STK35: variants seen among roughly 807,000 people sequenced by gnomAD.
The protein encoded by STK35 is serine/threonine-protein kinase 35.
A neutral mutation model predicts 37.3 loss-of-function variants in STK35; 17 were observed. The observed-to-expected ratio is 0.46, with a 90% CI of 0.31 to 0.68. The LOEUF is 0.68. Ranked by LOEUF, STK35 falls within the 30% of genes least tolerant of loss-of-function variation. STK35 has a pLI of 0.05. For missense variants in STK35, 595 were observed against 746.7 expected (o/e 0.80, Z 2.37); for synonymous variants, 385 against 319.1 (o/e 1.21, Z -2.20).
intron 2 of STK35, among the ~76,000 whole-genome samples, chr20:2,114,849 T>A (rs1985686567): frequency 6.6e-6 from 1 of 152,236 alleles, no homozygotes; most frequent in South Asian, 2.1e-4. Context: ...TTTTCTGATG[T>A]GGCCTTTGCA....
intron 3 of STK35, among the ~76,000 whole-genome samples, chr20:2,139,917 A>G (rs775731271): frequency 5.3e-5 from 8 of 152,188 alleles, no homozygotes; most frequent in African/African-American, 1.9e-4. Context: ...TCCACCCCCA[A>G]GGTCATCTCA....
intron 3 of STK35, among the ~76,000 whole-genome samples, chr20:2,123,317 C>T (rs926043252): frequency 6.6e-6 from 1 of 152,148 alleles, no homozygotes; most frequent in African/African-American, 2.4e-5. Flanking sequence ...AAATCAGGCC[C>T]AATTTCTGTT....
chr20:2,104,206 CACA>C (rs1242672402), intron 2 of STK35, among the ~76,000 whole-genome samples: 2 of 152,116 alleles, frequency 1.3e-5, no homozygotes, highest in Admixed American at 6.6e-5. Context: ...ACTCAGTACT[CACA>C]AGCCTTTTTC....
chr20:2,133,388 G>A (rs1359793287), intron 3 of STK35, among the ~76,000 whole-genome samples: 2 of 152,192 alleles, frequency 1.3e-5, no homozygotes, highest in Non-Finnish European at 2.9e-5. Flanking sequence ...GCAGTTGGCA[G>A]CTTTTATTTT....
At chr20:2,135,810 G>A (rs1368947147) in intron 3 of STK35, among the ~76,000 whole-genome samples, 1 of 152,176 alleles carries the variant, frequency 6.6e-6, no homozygotes, top group Non-Finnish European at 1.5e-5. Context: ...AGATTGCACT[G>A]CTGCGCTCCA....
intron 2 of STK35, among the ~76,000 whole-genome samples, chr20:2,115,016 A>G (rs1328803217): frequency 6.6e-6 from 1 of 152,236 alleles, no homozygotes; most frequent in Non-Finnish European, 1.5e-5. Context: ...GCCTCTGCCC[A>G]TGACCTAGAT....
In STK35 at chr20:2,102,186, C is replaced by G; in HGVS notation, c.294+11C>G. The G allele has an allele frequency of 7.3e-7, 1 of 1,371,764 alleles. No homozygotes were observed. The highest frequency in any genetic ancestry group is 9.4e-7 in the Non-Finnish European group (1 of 1,063,642). 85.0% of individuals were successfully genotyped at this position (1,371,764 alleles called of 1,614,324 possible). On this transcript the variant is annotated intron_variant, in intron 1 of 3. Coordinates refer to ENST00000381482, the MANE Select transcript of STK35 (RefSeq NM_080836.4). ...AGGTGCGCGGGCCAGGTAAGGGCGC[C>G]GTTGGAGGACTGAAGGCCAGCGCCG...
chr20:2,132,875 G>T (rs966641933), intron 3 of STK35, among the ~76,000 whole-genome samples: 2 of 152,204 alleles, frequency 1.3e-5, no homozygotes, highest in African/African-American at 2.4e-5. Flanking sequence ...TCCTTGTCTG[G>T]TCAGTGCAGT....
chr20:2,122,058 G>A (rs555049616), intron 3 of STK35, among the ~76,000 whole-genome samples: 6 of 152,326 alleles, frequency 3.9e-5, no homozygotes, highest in East Asian at 1.9e-4. Flanking sequence ...TAGGCTGGGC[G>A]TGGTAGCTCA....
rs906013896 is a variant in STK35 at position 2,102,892 on chromosome 20, G to C, written c.419G>C (p.Gly140Ala). The C allele has an allele frequency of 3.2e-6, 5 of 1,566,212 alleles. No individual in the cohort carries two copies. Among genetic ancestry groups the C allele is most frequent in the Non-Finnish European group, 4.3e-6 (5 of 1,164,412 alleles). The change falls in exon 2 of 4, where the codon GGC becomes GCC. Residue 140 changes from glycine to alanine, a missense_variant. Gly to Ala is a moderately conservative substitution (Grantham distance 60). Transcript: ENST00000381482. ...PPAAMETGKDGARRGTQSPER... is the reference protein window; with the variant it reads ...PPAAMETGKDAARRGTQSPER... Reference sequence around the variant, plus strand: ...GCAGCCATGGAAACGGGGAAGGACGGCGCCCGCAGAGGTACACAAAGCCCG... The same window carrying C: ...GCAGCCATGGAAACGGGGAAGGACGCCGCCCGCAGAGGTACACAAAGCCCG...
At position 2,101,895 on chromosome 20, in the gene STK35, A is replaced by C. The variant is rs979461940; in HGVS notation, c.14A>C (p.Glu5Ala). Reference protein sequence around the residue: MGHQESPLARAPAGG... With the variant: MGHQASPLARAPAGG... ...GCGTCCCGGGGGATGGGCCACCAGG[A>C]GTCTCCGCTGGCCCGGGCGCCGGCG... Residue 5 changes from glutamate (E) to alanine (A), a missense_variant, in exon 1 of 4, where the codon GAG (glutamate) becomes GCG (alanine). Physicochemically the swap from Glu to Ala is moderately radical, Grantham distance 107. Coordinates refer to ENST00000381482, the MANE Select transcript of STK35 (RefSeq NM_080836.4). 1.1e-5 allele frequency: 16 copies of C among 1,445,118 alleles called. No individual in the cohort carries two copies. In the African/African-American group the frequency reaches 2.3e-4, roughly 21 times the overall value. 89.5% of individuals were successfully genotyped at this position (1,445,118 alleles called of 1,614,324 possible).
At chr20:2,119,364 A>G (rs942665537) in intron 3 of STK35, among the ~76,000 whole-genome samples, 2 of 152,208 alleles carry the variant, frequency 1.3e-5, no homozygotes, top group African/African-American at 4.8e-5. Context: ...GACTAGACCA[A>G]TTTGGGTTAA....
In STK35 at chr20:2,146,490, G is replaced by A. The variant is rs1159373069; in HGVS notation, c.*2744G>A. ...GCTCTGTGGCAAGGATAGCCCTTTG[G>A]AGGGGGACTCTTGACCTCGGCTGTT... On this transcript the variant is annotated 3_prime_UTR_variant, in exon 4 of 4. Coordinates refer to ENST00000381482, the MANE Select transcript of STK35 (RefSeq NM_080836.4). 6.5e-6 allele frequency: 1 copy of A among 152,810 alleles called. No individual in the cohort carries two copies. Among genetic ancestry groups the A allele is most frequent in the African/African-American group, 2.4e-5 (1 of 41,454 alleles). The allele number at this position is 152,810 out of a possible 1,614,324, so 9.5% of individuals were successfully genotyped here.
intron 3 of STK35, among the ~76,000 whole-genome samples, chr20:2,124,268 G>A (rs949811494): frequency 5.3e-5 from 8 of 152,172 alleles, no homozygotes; most frequent in Non-Finnish European, 1.0e-4. Context: ...ACTCTGCAAA[G>A]GTCCAGAATA....
At chr20:2,139,668 A>G (rs1316421693) in intron 3 of STK35, among the ~76,000 whole-genome samples, 1 of 152,176 alleles carries the variant, frequency 6.6e-6, no homozygotes, top group East Asian at 1.9e-4. Flanking sequence ...CTGGGGTGAA[A>G]TGAGGCAATG....
Position 2,102,929 on chromosome 20 carries a change from G to T in STK35, c.456G>T (p.Arg152Ser). 1 of 1,538,964 alleles carries T rather than the reference G, an allele frequency of 6.5e-7. No individual in the cohort carries two copies. Among genetic ancestry groups the T allele is most frequent in the South Asian group, 1.2e-5 (1 of 84,506 alleles). ...RRGTQSPERK[R>S]RSPVPRAPST... is the part of the protein sequence containing the mutation. ...GTACACAAAGCCCGGAGCGGAAAAG[G>T]CGAAGCCCAGTGCCGCGGGCGCCCA... The change falls in exon 2 of 4, where the codon AGG (arginine) becomes AGT (serine). Residue 152 changes from arginine (R) to serine (S), a missense_variant. Physicochemically the swap from Arg to Ser is moderately radical, Grantham distance 110. Coordinates refer to ENST00000381482, the MANE Select transcript of STK35 (RefSeq NM_080836.4).
At position 2,117,494 on chromosome 20, in the gene STK35, G is replaced by C. The variant is rs998101647; in HGVS notation, c.*37+79G>C. ...TCTGTTGGTCAGGCTGGGGTGCAGC[G>C]GGTGCAGTGGCAGGATCTCAGCTCA... is the stretch of plus-strand genomic sequence containing the variant. On this transcript the variant is annotated intron_variant, in intron 3 of 3. Coordinates refer to ENST00000381482, the MANE Select transcript of STK35 (RefSeq NM_080836.4). The surrounding 1 kb of genome is among the most constrained non-coding windows in gnomAD (Gnocchi z 4.4). 3 of 771,770 alleles carry C rather than the reference G, an allele frequency of 3.9e-6. No homozygotes were observed. Among genetic ancestry groups the C allele is most frequent in the Non-Finnish European group, 6.0e-6 (3 of 496,778 alleles). 47.8% of individuals were successfully genotyped at this position (771,770 alleles called of 1,614,324 possible).
intron 3 of STK35, among the ~76,000 whole-genome samples, chr20:2,125,034 G>A (rs1307092994): frequency 1.3e-5 from 2 of 152,178 alleles, no homozygotes; most frequent in African/African-American, 4.8e-5. Context: ...ATCCATGAGG[G>A]GACAGGCCTG....
intron 3 of STK35, among the ~76,000 whole-genome samples, chr20:2,138,632 G>A (rs1439470012): frequency 6.6e-6 from 1 of 152,162 alleles, no homozygotes; most frequent in Non-Finnish European, 1.5e-5. Context: ...TTCCTAAGAT[G>A]GTGCAATTTT....
Sources: allele counts gnomAD v4.1 joint callset (sites outside exome capture counted in the v4.1 genomes callset), GRCh38; gene constraint gnomAD v4.1.1; non-coding constraint Gnocchi (gnomAD v3.1); transcripts MANE v1.5; gene names NCBI Gene and HGNC (gene_info 2026-07-23, HGNC 2026-07-21).